ATP5PO: variants seen among roughly 807,000 people sequenced by gnomAD.
ATP5PO encodes ATP synthase peripheral stalk subunit OSCP, mitochondrial.
ATP5PO carries 14 observed loss-of-function variants against 26.2 expected under a neutral mutation model. The observed-to-expected ratio is 0.53, with a 90% CI of 0.35 to 0.83. The LOEUF (loss-of-function observed/expected upper bound fraction) is 0.83. Among genes scored for constraint, ATP5PO ranks in the 40% least tolerant of loss-of-function variants. The probability of loss-of-function intolerance (pLI) is 0.01; values close to 1 mark genes in which losing one functional copy is unlikely to be tolerated. For synonymous variants in ATP5PO, 106 were observed against 95.1 expected (o/e 1.12, Z -0.67); for missense variants, 241 against 258.5 (o/e 0.93, Z 0.46).
intron 3 of ATP5PO, among the ~76,000 whole-genome samples, chr21:33,911,199 A>C (rs1987242157): frequency 6.6e-6 from 1 of 152,220 alleles, no homozygotes; most frequent in Non-Finnish European, 1.5e-5. Context: ...AATTCGGTGA[A>C]AACGAAAGCA....
In ATP5PO at chr21:33,914,427, C is replaced by A. The variant is rs773624767; in HGVS notation, c.87+23G>T. On this transcript the variant is annotated intron_variant, in intron 2 of 6. Transcript: ENST00000290299. ...CACACTTTCGCGTACTTTATCATTA[C>A]AGAAGAATATAAATTAACATACCCT... 1.9e-6 allele frequency: 3 copies of A among 1,607,340 alleles called. No individual in the cohort carries two copies. The East Asian group carries it at 6.7e-5, about 36-fold the overall frequency.
rs1987190449 is a variant in ATP5PO, at chr21:33,907,599, G to T, written c.329-146C>A. On this transcript the variant is annotated intron_variant, in intron 4 of 6. Coordinates refer to ENST00000290299, the MANE Select transcript of ATP5PO (RefSeq NM_001697.3). ...CGCATGCCTATAATCCCAACTACTG[G>T]AGGCTGAGGTGCAAAGATTGCTTGG... 14 of 635,322 alleles carry T rather than the reference G, an allele frequency of 2.2e-5. No homozygotes were observed. The South Asian group carries it at 2.7e-4, about 12-fold the overall frequency. The allele number at this position is 635,322 out of a possible 1,614,324, so 39.4% of individuals were successfully genotyped here.
chr21:33,910,647 C>T (rs1357309232), intron 3 of ATP5PO, among the ~76,000 whole-genome samples: 1 of 152,210 alleles, frequency 6.6e-6, no homozygotes, highest in Non-Finnish European at 1.5e-5. Context: ...CAGACAATAA[C>T]CATCACCTCC....
At chr21:33,915,445 A>G (rs1217838232) in intron 1 of ATP5PO, 2 of 492,532 alleles carry the variant, frequency 4.1e-6, no homozygotes, top group East Asian at 3.8e-5. Flanking sequence ...AATTCAGCGA[A>G]GGGCAGACCC....
At chr21:33,904,478 A>T (rs1252372135) in intron 5 of ATP5PO, among the ~76,000 whole-genome samples, 1 of 152,060 alleles carries the variant, frequency 6.6e-6, no homozygotes, top group Non-Finnish European at 1.5e-5. Flanking sequence ...TTACATCTTC[A>T]TGTTTGCCTA....
At chr21:33,912,257 C>G (rs1456897728) in intron 3 of ATP5PO, 32 bp downstream of exon 3, 2 of 1,560,810 alleles carry the variant, frequency 1.3e-6, no homozygotes, top group African/African-American at 2.7e-5. Flanking sequence ...CAAACAGGAA[C>G]TTCATATGTA....
intron 3 of ATP5PO, 119 bp from the exon 4 acceptor site, chr21:33,909,330 G>C: frequency 8.8e-7 from 1 of 1,136,276 alleles, no homozygotes; most frequent in Non-Finnish European, 1.2e-6. Context: ...GCTCAGGCTG[G>C]AGTGCAGTGG....
intron 5 of ATP5PO, chr21:33,907,131 A>C (rs1987183575): frequency 2.7e-5 from 15 of 547,446 alleles, no homozygotes; most frequent in Non-Finnish European, 4.6e-5. Flanking sequence ...CCTTATGAAT[A>C]ATCACTGGTT....
At chr21:33,911,506 AC>A (rs1038879416) in intron 3 of ATP5PO, among the ~76,000 whole-genome samples, 12 of 152,166 alleles carry the variant, frequency 7.9e-5, no homozygotes, top group African/African-American at 2.9e-4. Context: ...AGGCATCTCT[AC>A]CAAATGAAAA....
chr21:33,906,267 A>ATC (rs1987171518), intron 5 of ATP5PO, among the ~76,000 whole-genome samples: 1 of 152,192 alleles, frequency 6.6e-6, no homozygotes, highest in Admixed American at 6.5e-5. Context: ...TTCCAAGTCA[A>ATC]TCTACCACAC....
chr21:33,903,866 G>T, intron 6 of ATP5PO, 69 bp downstream of exon 6: 3 of 1,392,076 alleles, frequency 2.2e-6, no homozygotes, highest in Non-Finnish European at 2.0e-6. Flanking sequence ...TATTTCACTA[G>T]TACTTTCTGT....
At chr21:33,909,306 C>T (rs1987217895) in intron 3 of ATP5PO, 95 bp from the exon 4 acceptor site, 17 of 1,359,776 alleles carry the variant, frequency 1.3e-5, no homozygotes, top group East Asian at 2.4e-5. Flanking sequence ...TTGGAGACAA[C>T]GTCTTGCTCC....
intron 5 of ATP5PO, chr21:33,907,035 G>A: frequency 5.4e-6 from 2 of 369,250 alleles, no homozygotes; most frequent in Non-Finnish European, 1.0e-5. Context: ...TACTTCAAGT[G>A]GTATTCATAA....
chr21:33,913,639 T>G (rs1283325250), intron 2 of ATP5PO, among the ~76,000 whole-genome samples: 1 of 152,196 alleles, frequency 6.6e-6, no homozygotes, highest in Non-Finnish European at 1.5e-5. Context: ...CTGGATTACT[T>G]CTGGTTTGAA....
chr21:33,903,746 A>T (rs1987132827), intron 6 of ATP5PO, 107 bp from the exon 7 acceptor site: 1 of 1,261,412 alleles, frequency 7.9e-7, no homozygotes, highest in African/African-American at 1.5e-5. Context: ...AGAGGTTATA[A>T]TTACACCTAG....
intron 1 of ATP5PO, chr21:33,915,454 C>G (rs757430960): frequency 3.9e-6 from 2 of 512,256 alleles, no homozygotes; most frequent in Non-Finnish European, 6.8e-6. Context: ...AAGGGCAGAC[C>G]CCCTCTCCTG....
chr21:33,906,012 G>A (rs1457054877), intron 5 of ATP5PO, among the ~76,000 whole-genome samples: 1 of 151,948 alleles, frequency 6.6e-6, no homozygotes, highest in African/African-American at 2.4e-5. Flanking sequence ...TGGGGCAGGT[G>A]AATGTCTAAT....
intron 1 of ATP5PO, 76 bp downstream of exon 1, chr21:33,915,652 C>A: frequency 6.5e-7 from 1 of 1,531,912 alleles, no homozygotes; most frequent in South Asian, 1.2e-5. Context: ...AGCATCGCAC[C>A]CTGGTGCTCG....
At chr21:33,911,579 A>G (rs1376878433) in intron 3 of ATP5PO, among the ~76,000 whole-genome samples, 2 of 151,774 alleles carry the variant, frequency 1.3e-5, no homozygotes, top group African/African-American at 2.4e-5. Context: ...GGCAATTAAA[A>G]CCTGAGGAAA....
Sources: allele counts gnomAD v4.1 joint callset (sites outside exome capture counted in the v4.1 genomes callset), GRCh38; gene constraint gnomAD v4.1.1; transcripts MANE v1.5; gene names NCBI Gene and HGNC (gene_info 2026-07-23, HGNC 2026-07-21).